The following VILL variants were observed in gnomAD, a reference collection of about 807,000 sequenced individuals.
VILL encodes the protein villin-like protein.
VILL carries 102 observed loss-of-function variants against 106.3 expected under a neutral mutation model. The ratio of observed to expected loss-of-function variants is 0.96; its 90% confidence interval spans 0.82 to 1.13. The LOEUF is 1.13. Among genes scored for constraint, VILL ranks in the 50% most tolerant of loss-of-function variants. The pLI is 0.00. For synonymous variants in VILL, 431 were observed against 440.3 expected (o/e 0.98, Z 0.27); for missense variants, 1,076 against 1,116.6 (o/e 0.96, Z 0.52).
In VILL at chr3:38,006,167, G is replaced by C. The variant is rs767213627; in HGVS notation, c.2134-14G>C. On this transcript the variant is annotated splice_polypyrimidine_tract_variant and intron_variant, in intron 17 of 19. Transcript: ENST00000383759. ...CTGCCCTGGCCCTGATACTTGCCCC[G>C]ATTCTTGCTCCAGAGCCACCCGTCC... 1 of 1,614,182 alleles carries C rather than the reference G, an allele frequency of 6.2e-7. No homozygotes were observed. Among genetic ancestry groups the C allele is most frequent in the Non-Finnish European group, 8.5e-7 (1 of 1,180,030 alleles).
At chr3:37,999,301 G>GA in intron 10 of VILL, 38 bp from the exon 11 acceptor site, 1 of 1,142,552 alleles carries the variant, frequency 8.8e-7, no homozygotes, top group Admixed American at 2.9e-5. Flanking sequence ...TTGGGGGGGG[G>GA]CAGAGGGCGC....
intron 1 of VILL, chr3:37,993,313 T>G: frequency 3.6e-6 from 1 of 275,238 alleles, no homozygotes; most frequent in Non-Finnish European, 7.0e-6. Flanking sequence ...TTCAAGAATT[T>G]GTCAGCTGAA....
upstream of VILL, among the ~76,000 whole-genome samples, chr3:37,990,202 G>A (rs1699592626): frequency 1.3e-5 from 2 of 152,214 alleles, no homozygotes; most frequent in Admixed American, 6.5e-5. This position sits in a 1 kb window ranked among gnomAD's most constrained non-coding sequence, Gnocchi z 5.1. Context: ...AGGTGTCTTC[G>A]CTGCAAGAGC....
At chr3:38,001,288 A>G (rs146741545) in intron 11 of VILL, 168 bp from the exon 12 acceptor site, 80 of 1,026,972 alleles carry the variant, frequency 7.8e-5, no homozygotes, top group Non-Finnish European at 1.1e-4. Flanking sequence ...ATCCTTGTAC[A>G]AAGCCCAGCA....
intron 16 of VILL, 93 bp downstream of exon 16, chr3:38,004,492 G>T: frequency 6.7e-7 from 1 of 1,497,224 alleles, no homozygotes. Flanking sequence ...ATCTGCCTCT[G>T]TACACAGGGC....
intron 11 of VILL, 181 bp from the exon 12 acceptor site, chr3:38,001,275 C>A: frequency 1.1e-6 from 1 of 905,044 alleles, no homozygotes. Context: ...GGGTCACCTG[C>A]AGATCCTTGT....
At position 37,997,499 on chromosome 3, in the gene VILL, A is replaced by G. The variant is rs200980879; in HGVS notation, c.578A>G (p.Tyr193Cys). ...SEKARGLALT[Y>C]SLRDRERGGG... ...CTCCCGCAGGGGCTGGCTTTGACCT[A>G]CAGCCTCCGGGACAGGGAACGTGGT... Residue 193 changes from tyrosine (Y) to cysteine (C), a missense_variant, in exon 7 of 20, where the codon TAC (tyrosine) becomes TGC (cysteine). Coordinates refer to ENST00000383759, the MANE Select transcript of VILL (RefSeq NM_015873.4). The surrounding 1 kb of genome is among the most constrained non-coding windows in gnomAD (Gnocchi z 4.7). The G allele has an allele frequency of 9.7e-5, 156 of 1,613,884 alleles. No homozygotes were observed. The East Asian group carries it at 2.5e-3, about 26-fold the overall frequency.
At position 38,001,449 on chromosome 3, in the gene VILL, T is replaced by G. The variant is rs746014391; in HGVS notation, c.1183-7T>G. 4.3e-6 allele frequency: 7 copies of G among 1,613,640 alleles called. No individual in the cohort carries two copies. Among genetic ancestry groups the G allele is most frequent in the South Asian group, 1.1e-5 (1 of 91,050 alleles). On this transcript the variant is annotated splice_polypyrimidine_tract_variant and splice_region_variant and intron_variant, in intron 11 of 19. Transcript: ENST00000383759. ...CCACCTGTGCCCATTGGTCCCTTAT[T>G]CCCCAGGTGTGGTGCATCCAGGACT...
In VILL at chr3:37,991,322, C is replaced by T. The variant is rs191230516; in HGVS notation, c.-87+493C>T. On this transcript the variant is annotated intron_variant, in intron 1 of 19. Transcript: ENST00000383759. ...GGGAGAGAAGAGGGGGTGTGTGAAG[C>T]GGGTAGGGAGTGCCCCGGGAAAGAG... The T allele has an allele frequency of 3.5e-3, 424 of 119,512 alleles. 4 individuals carry two copies. Among genetic ancestry groups the T allele is most frequent in the African/African-American group, 0.013 (397 of 31,086 alleles). The allele number at this position is 119,512 out of a possible 1,614,324, so 7.4% of individuals were successfully genotyped here.
intron 13 of VILL, 104 bp from the exon 14 acceptor site, chr3:38,002,292 G>A: frequency 1.8e-6 from 2 of 1,128,416 alleles, no homozygotes; most frequent in Admixed American, 5.5e-5. Context: ...GGCCTTGATG[G>A]CTTCAAGCAA....
chr3:37,999,346 G>A lies in VILL; in HGVS notation c.1089G>A (p.Ser363=). The change falls in exon 11 of 20, where the codon TCG becomes TCA. Residue 363 remains serine, a synonymous_variant. Transcript: ENST00000383759. The part of the protein sequence containing the change: ...RNQKLGGRDK[S]IHVKLDVGKL... The stretch of plus-strand genomic sequence containing the variant: ...CTACTGTCCCCCCTTCAGATAAATC[G>A]ATTCATGTAAAGCTGGACGTGGGCA... The A allele has an allele frequency of 6.6e-7, 1 of 1,515,698 alleles. No individual in the cohort carries two copies. The allele number at this position is 1,515,698 out of a possible 1,614,324, so 93.9% of individuals were successfully genotyped here.
chr3:38,003,239 G>A lies in VILL; in HGVS notation c.1731G>A (p.Thr577=), dbSNP rs546567422. 48 of 1,613,944 alleles carry A rather than the reference G, an allele frequency of 3.0e-5. No individual in the cohort carries two copies. The South Asian group carries it at 3.7e-4, about 13-fold the overall frequency. ...VTVISRKNEE[T]VLEGQEPPHF... is the part of the protein sequence containing the mutation. ...TCATTTCCAGGAAGAATGAGGAAAC[G>A]GTGCTGGAGGGTCAGGAGCCTCCCC... Residue 577 remains threonine (T), a synonymous_variant, in exon 15 of 20, where the codon ACG becomes ACA. Coordinates refer to ENST00000383759, the MANE Select transcript of VILL (RefSeq NM_015873.4).
rs1053200488 is a variant in VILL at position 37,998,121 on chromosome 3, C to T, written c.796C>T (p.Leu266=). 6.2e-7 allele frequency: 1 copy of T among 1,613,352 alleles called. No individual in the cohort carries two copies. Among genetic ancestry groups the T allele is most frequent in the Admixed American group, 1.7e-5 (1 of 59,938 alleles). The part of the protein sequence containing the change: ...VYEKGKDLVV[L]ELATPPLTQD... The stretch of plus-strand genomic sequence containing the variant: ...TGAGAAGGGCAAAGACCTGGTGGTC[C>T]TGGAGTTGGCGACCCCCCCACTGAC... Residue 266 remains leucine, a synonymous_variant, in exon 8 of 20, where the codon CTG becomes TTG. Coordinates refer to ENST00000383759, the MANE Select transcript of VILL (RefSeq NM_015873.4). This position sits in a 1 kb window ranked among gnomAD's most constrained non-coding sequence, Gnocchi z 4.1.
At chr3:37,995,482 TG>T (rs932537935) in intron 4 of VILL, among the ~76,000 whole-genome samples, 2 of 152,228 alleles carry the variant, frequency 1.3e-5, no homozygotes, top group African/African-American at 4.8e-5. Context: ...TGCCCCCAAA[TG>T]TATGTACATG....
chr3:38,004,472 G>T, intron 16 of VILL, 73 bp downstream of exon 16: 2 of 1,552,354 alleles, frequency 1.3e-6, no homozygotes, highest in Non-Finnish European at 1.8e-6. Context: ...GGGTGTGTGT[G>T]TATCTAGCCA....
upstream of VILL, among the ~76,000 whole-genome samples, chr3:37,989,173 T>A (rs991390796): frequency 1.3e-5 from 2 of 152,076 alleles, no homozygotes; most frequent in Non-Finnish European, 2.9e-5. Flanking sequence ...AACTCCAGGT[T>A]TGGGGCCTAA....
chr3:38,002,845 C>T, intron 14 of VILL: 1 of 539,446 alleles, frequency 1.9e-6, no homozygotes, highest in Non-Finnish European at 3.2e-6. Context: ...CTTCCCAGGT[C>T]TCTTGGGAAA....
At chr3:38,001,251 G>A (rs1040865916) in intron 11 of VILL, 16 of 727,928 alleles carry the variant, frequency 2.2e-5, no homozygotes, top group Non-Finnish European at 3.3e-5. Context: ...GGGTTTCAGG[G>A]GTCCGTGGGG....
At position 38,006,670 on chromosome 3, in the gene VILL, G is replaced by A. The variant is rs1252361460; in HGVS notation, c.2427G>A (p.Leu809=). 6.2e-7 allele frequency: 1 copy of A among 1,612,188 alleles called. No homozygotes were observed. Among genetic ancestry groups the A allele is most frequent in the Non-Finnish European group, 8.5e-7 (1 of 1,179,470 alleles). The change falls in exon 19 of 20, where the codon CTG becomes CTA. Residue 809 remains leucine, a synonymous_variant. Transcript: ENST00000383759. Reference sequence around the variant, plus strand: ...TGATGCACCAGGCTGTTGAGGACCTGCCAGAGGGCGTGGACCCTGCCCGCA... The same window carrying A: ...TGATGCACCAGGCTGTTGAGGACCTACCAGAGGGCGTGGACCCTGCCCGCA... ...EQLMHQAVED[L]PEGVDPARRE...
Sources: allele counts gnomAD v4.1 joint callset (sites outside exome capture counted in the v4.1 genomes callset), GRCh38; gene constraint gnomAD v4.1.1; non-coding constraint Gnocchi (gnomAD v3.1); transcripts MANE v1.5; gene names NCBI Gene and HGNC (gene_info 2026-07-23, HGNC 2026-07-21).